GLIS3: variants seen among roughly 807,000 people sequenced by gnomAD.
GLIS3 encodes the protein GLIS family zinc finger 3.
A neutral mutation model predicts 78.6 loss-of-function variants in GLIS3; 53 were observed. The ratio of observed to expected loss-of-function variants is 0.67; its 90% CI spans 0.54 to 0.85. The LOEUF (loss-of-function observed/expected upper bound fraction) is 0.85. Ranked by LOEUF, GLIS3 falls within the 40% of genes least tolerant of loss-of-function variation. The probability of loss-of-function intolerance (pLI) is 0.00; values close to 1 mark genes in which losing one functional copy is unlikely to be tolerated. For synonymous variants in GLIS3, 684 were observed against 509.9 expected (o/e 1.34, Z -4.60); for missense variants, 1,703 against 1,231.1 (o/e 1.38, Z -5.74).
chr9:4,423,909 G>C, the GLIS3 span, among the ~76,000 whole-genome samples: 16 of 152,218 alleles, frequency 1.1e-4, no homozygotes, highest in African/African-American at 3.9e-4. Flanking sequence ...TAGTGAGGTG[G>C]GAAATGTGAG....
the GLIS3 span, among the ~76,000 whole-genome samples, chr9:4,483,073 T>G: frequency 1.3e-5 from 2 of 152,280 alleles, no homozygotes; most frequent in African/African-American, 4.8e-5. Context: ...CCTCTCAACT[T>G]TTGTTCAATT....
the GLIS3 span, among the ~76,000 whole-genome samples, chr9:4,418,701 AAAAC>A: frequency 6.6e-6 from 1 of 151,842 alleles, no homozygotes; most frequent in Non-Finnish European, 1.5e-5. Context: ...TCCATCTCAA[AAAAC>A]AAACAAAAAA....
At chr9:4,161,172 C>G (rs1163744510) in intron 2 of GLIS3, among the ~76,000 whole-genome samples, 1 of 151,794 alleles carries the variant, frequency 6.6e-6, no homozygotes, top group East Asian at 1.9e-4. Context: ...ACTCAGGAGA[C>G]AGAGGCAGGA....
upstream of GLIS3, among the ~76,000 whole-genome samples, chr9:4,349,669 G>C (rs1012728649): frequency 6.6e-6 from 1 of 152,070 alleles, no homozygotes; most frequent in African/African-American, 2.4e-5. Flanking sequence ...TTCCAGACAA[G>C]AGGACACACA....
intron 4 of GLIS3, among the ~76,000 whole-genome samples, chr9:3,953,764 T>C (rs778604346): frequency 3.2e-4 from 16 of 49,762 alleles, no homozygotes; most frequent in African/African-American, 6.7e-4. Context: ...AGATTTGCTC[T>C]CTCTCTCTCT....
chr9:3,867,486 AAGAAGCT>A (rs1389129723), intron 8 of GLIS3, among the ~76,000 whole-genome samples: 3 of 152,250 alleles, frequency 2.0e-5, no homozygotes, highest in Non-Finnish European at 4.4e-5. Context: ...CTCAATAGTT[AAGAAGCT>A]TAAAGACTGG....
chr9:4,042,116 A>G (rs1824862141), intron 4 of GLIS3, among the ~76,000 whole-genome samples: 1 of 152,144 alleles, frequency 6.6e-6, no homozygotes, highest in African/African-American at 2.4e-5. Flanking sequence ...TCATTTCAAA[A>G]GCTTGGGTTT....
chr9:4,130,275 T>G (rs1832879351), intron 2 of GLIS3, among the ~76,000 whole-genome samples: 1 of 152,202 alleles, frequency 6.6e-6, no homozygotes, highest in Admixed American at 6.5e-5. Context: ...AAAAGCGTTT[T>G]CAGGAGAGGA....
At chr9:4,159,105 C>A (rs1000886611) in intron 2 of GLIS3, among the ~76,000 whole-genome samples, 2 of 150,296 alleles carry the variant, frequency 1.3e-5, no homozygotes, top group African/African-American at 4.9e-5. Context: ...GATAAATTTG[C>A]AGATGGCTCA....
chr9:4,454,372 A>G, the GLIS3 span, among the ~76,000 whole-genome samples: 1 of 152,210 alleles, frequency 6.6e-6, no homozygotes, highest in African/African-American at 2.4e-5. Context: ...TCAAAATCAG[A>G]TCGAACAAGA....
intron 4 of GLIS3, chr9:4,305,253 C>G (rs1161321028): frequency 6.6e-6 from 1 of 152,234 alleles, no homozygotes; most frequent in African/African-American, 2.4e-5. Context: ...TTTATTCACT[C>G]AGGCAGGTGG....
intron 4 of GLIS3, among the ~76,000 whole-genome samples, chr9:4,117,341 C>A (rs887026739): frequency 6.6e-6 from 1 of 152,192 alleles, no homozygotes; most frequent in Non-Finnish European, 1.5e-5. Context: ...CAAAACCACT[C>A]TTCTCTCCAT....
At chr9:3,958,115 A>G (rs1026012413) in intron 4 of GLIS3, among the ~76,000 whole-genome samples, 2 of 152,200 alleles carry the variant, frequency 1.3e-5, no homozygotes, top group Non-Finnish European at 2.9e-5. Flanking sequence ...CCACTCTCTC[A>G]GTTCCCTGGA....
At chr9:4,241,240 AG>A (rs1823280534) in intron 2 of GLIS3, among the ~76,000 whole-genome samples, 1 of 152,292 alleles carries the variant, frequency 6.6e-6, no homozygotes, top group East Asian at 1.9e-4. Flanking sequence ...TCCAAGCCTG[AG>A]GCAAAAGATG....
At chr9:4,435,292 G>C in the GLIS3 span, among the ~76,000 whole-genome samples, 1 of 152,112 alleles carries the variant, frequency 6.6e-6, no homozygotes, top group Non-Finnish European at 1.5e-5. Flanking sequence ...AAATTGAATG[G>C]GATTATAGTG....
At chr9:4,269,407 G>A (rs10511458) in intron 2 of GLIS3, among the ~76,000 whole-genome samples, 95,083 of 152,034 alleles carry the variant, frequency 0.63, 29,959 homozygotes, top group East Asian at 0.74. Flanking sequence ...CACTTATACT[G>A]CCAGCTACAG....
At chr9:3,939,192 G>C (rs1301476131) in intron 4 of GLIS3, among the ~76,000 whole-genome samples, 2 of 152,192 alleles carry the variant, frequency 1.3e-5, no homozygotes, top group African/African-American at 4.8e-5. Context: ...CTCAGATCTT[G>C]ATCTGAGAGA....
intron 7 of GLIS3, 118 bp from the exon 8 acceptor site, chr9:3,879,713 T>G: frequency 9.2e-7 from 1 of 1,082,554 alleles, no homozygotes; most frequent in Non-Finnish European, 1.4e-6. Flanking sequence ...TCTCAGTGGT[T>G]TTCAGGGAAC....
At chr9:4,436,292 G>A in the GLIS3 span, among the ~76,000 whole-genome samples, 1 of 152,044 alleles carries the variant, frequency 6.6e-6, no homozygotes, top group Non-Finnish European at 1.5e-5. Flanking sequence ...TTACAGACAA[G>A]GGCAATATTT....
Sources: allele counts gnomAD v4.1 joint callset (sites outside exome capture counted in the v4.1 genomes callset), GRCh38; gene constraint gnomAD v4.1.1; transcripts MANE v1.5; gene names NCBI Gene and HGNC (gene_info 2026-07-23, HGNC 2026-07-21).